Variants in CASQ2 observed in about 807,000 individuals in gnomAD.
CASQ2 encodes the protein calsequestrin 2, also known as calsequestrin-2.
CASQ2 carries 49 observed loss-of-function variants against 46.5 expected under a neutral mutation model. The observed-to-expected ratio is 1.05, with a 90% CI of 0.84 to 1.34. CASQ2 has a LOEUF of 1.34. Ranked by LOEUF, CASQ2 falls within the 40% of genes most tolerant of loss-of-function variation. CASQ2 has a pLI of 0.00. For synonymous variants in CASQ2, 174 were observed against 168.5 expected, an observed-to-expected ratio of 1.03 and a Z score of -0.25; for missense variants, 486 against 481.3, an observed-to-expected ratio of 1.01 and a Z score of -0.09.
chr1:115,760,780 A>G (rs1648910027), intron 1 of CASQ2, among the ~76,000 whole-genome samples: 1 of 152,198 alleles, frequency 6.6e-6, no homozygotes, highest in Non-Finnish European at 1.5e-5. Context: ...AACTACTACA[A>G]TCGACTAAGA....
At chr1:115,726,774 G>A (rs1211217338) in intron 6 of CASQ2, among the ~76,000 whole-genome samples, 3 of 152,100 alleles carry the variant, frequency 2.0e-5, no homozygotes, top group Non-Finnish European at 4.4e-5. Flanking sequence ...GCTGACTGAG[G>A]GATTTATCAA....
intron 8 of CASQ2, among the ~76,000 whole-genome samples, chr1:115,710,812 T>G (rs1001811333): frequency 6.6e-6 from 1 of 152,180 alleles, no homozygotes; most frequent in African/African-American, 2.4e-5. Flanking sequence ...TGAGAGACCA[T>G]GACCCACAGC....
At chr1:115,734,806 C>A (rs1339062827) in intron 4 of CASQ2, among the ~76,000 whole-genome samples, 1 of 152,174 alleles carries the variant, frequency 6.6e-6, no homozygotes, top group African/African-American at 2.4e-5. Context: ...ACGTTAGTAA[C>A]TGGGTGTGGT....
intron 2 of CASQ2, among the ~76,000 whole-genome samples, chr1:115,744,326 C>T (rs1219578410): frequency 6.6e-6 from 1 of 152,168 alleles, no homozygotes; most frequent in Non-Finnish European, 1.5e-5. Flanking sequence ...ATGTCCTCCC[C>T]TCTCATCCTT....
At chr1:115,750,878 T>C (rs1018742996) in intron 1 of CASQ2, among the ~76,000 whole-genome samples, 5 of 34,326 alleles carry the variant, frequency 1.5e-4, no homozygotes, top group African/African-American at 2.3e-4. Context: ...AGCTTTACTC[T>C]TGTTAAAAGA....
At chr1:115,720,423 A>G (rs1029722810) in intron 7 of CASQ2, among the ~76,000 whole-genome samples, 2 of 151,950 alleles carry the variant, frequency 1.3e-5, no homozygotes, top group African/African-American at 4.8e-5. Flanking sequence ...CCATCTCCTC[A>G]CACCATTACC....
At position 115,701,487 on chromosome 1, in the gene CASQ2, A is replaced by G. The variant is rs554253863; in HGVS notation, c.1015-61T>C. 1,248 of 1,084,888 alleles carry G rather than the reference A, an allele frequency of 1.2e-3. 4 individuals carry two copies. Among genetic ancestry groups the G allele is most frequent in the Non-Finnish European group, 1.5e-3 (1,074 of 700,796 alleles). 67.2% of individuals were successfully genotyped at this position (1,084,888 alleles called of 1,614,324 possible). On this transcript the variant is annotated intron_variant, in intron 10 of 10. Coordinates refer to ENST00000261448, the MANE Select transcript of CASQ2 (RefSeq NM_001232.4). ...GCATGAGGGCTGAACCAGACCAGGG[A>G]TAGCCGTGCTGAATAGCTATGCTGA...
At position 115,768,352 on chromosome 1, in the gene CASQ2, T is replaced by C; in HGVS notation, c.190A>G (p.Lys64Glu). The C allele has an allele frequency of 1.2e-6, 2 of 1,614,094 alleles. No homozygotes were observed. The highest frequency in any genetic ancestry group is 1.1e-5 in the South Asian group (1 of 91,086). ...LYYHEPVSSD[K>E]VTQKQFQLKE... The stretch of plus-strand genomic sequence containing the variant: ...AGTTGGAACTGTTTTTGCGTGACCT[T>C]ATCTGAAGACACCGGCTCATGGTAG... The change falls in exon 1 of 11, where the codon AAG (lysine) becomes GAG (glutamate). Residue 64 changes from lysine (K) to glutamate (E), a missense_variant. Coordinates refer to ENST00000261448, the MANE Select transcript of CASQ2 (RefSeq NM_001232.4).
chr1:115,746,932 A>G (rs537067393), intron 1 of CASQ2, among the ~76,000 whole-genome samples: 14 of 152,280 alleles, frequency 9.2e-5, no homozygotes, highest in African/African-American at 3.4e-4. Flanking sequence ...AGAACATTCA[A>G]TATCCTAATC....
At chr1:115,740,085 T>A (rs1648126876) in intron 3 of CASQ2, among the ~76,000 whole-genome samples, 1 of 152,232 alleles carries the variant, frequency 6.6e-6, no homozygotes, top group Non-Finnish European at 1.5e-5. Flanking sequence ...GGCTGGTAGA[T>A]AAAGAATCAT....
At chr1:115,703,080 A>G in intron 9 of CASQ2, 85 bp from the exon 10 acceptor site, 1 of 1,035,574 alleles carries the variant, frequency 9.7e-7, no homozygotes, top group Non-Finnish European at 1.5e-6. Flanking sequence ...CACAGTAACT[A>G]GGTCACCATT....
chr1:115,725,898 A>G (rs1489021535), intron 6 of CASQ2, among the ~76,000 whole-genome samples: 1 of 152,224 alleles, frequency 6.6e-6, no homozygotes, highest in East Asian at 1.9e-4. Flanking sequence ...CAGAGAGCCC[A>G]CAGCAGGCCT....
At position 115,701,360 on chromosome 1, in the gene CASQ2, A is replaced by T. The variant is rs375811174; in HGVS notation, c.1081T>A (p.Trp361Arg). The change falls in exon 11 of 11, where the codon TGG becomes AGG. Residue 361 changes from tryptophan (W) to arginine (R), a missense_variant. By Grantham distance (101) the Trp-to-Arg change is moderately radical. Coordinates refer to ENST00000261448, the MANE Select transcript of CASQ2 (RefSeq NM_001232.4). ...DLPTAEELED[W>R]IEDVLSGKIN... ...TTTCCAGAAAGCACATCCTCAATCC[A>T]GTCCTCCAGCTCCTCAGCAGTTGGA... The T allele has an allele frequency of 1.1e-5, 17 of 1,613,836 alleles. No individual in the cohort carries two copies. The highest frequency in any genetic ancestry group is 1.4e-5 in the Non-Finnish European group (17 of 1,179,756).
At chr1:115,735,650 T>G (rs1481099239) in intron 4 of CASQ2, among the ~76,000 whole-genome samples, 2 of 152,254 alleles carry the variant, frequency 1.3e-5, no homozygotes, top group Non-Finnish European at 2.9e-5. Context: ...AAGGAAAAGC[T>G]TCATTATTAT....
intron 1 of CASQ2, among the ~76,000 whole-genome samples, chr1:115,758,551 A>T (rs1648836758): frequency 6.6e-6 from 1 of 152,114 alleles, no homozygotes; most frequent in South Asian, 2.1e-4. Context: ...TTTGATCCCC[A>T]ATGTTGGAGG....
intron 8 of CASQ2, among the ~76,000 whole-genome samples, chr1:115,710,800 C>T (rs1654520533): frequency 6.6e-6 from 1 of 152,198 alleles, no homozygotes; most frequent in African/African-American, 2.4e-5. Flanking sequence ...GGCTTGGAGT[C>T]CTGAGAGACC....
intron 1 of CASQ2, among the ~76,000 whole-genome samples, chr1:115,755,466 A>G (rs6694376): frequency 0.068 from 10,417 of 152,228 alleles, 1,214 homozygotes; most frequent in African/African-American, 0.24. Context: ...AAAGGGGGTG[A>G]GGTGCTTCCT....
At chr1:115,761,417 GAAGAAGAAGAAGAAGAAGAAGA>G (rs1648933370) in intron 1 of CASQ2, among the ~76,000 whole-genome samples, 2 of 324 alleles carry the variant, frequency 6.2e-3, no homozygotes, top group Non-Finnish European at 9.5e-3. Flanking sequence ...AGAAGAAGAA[GAAGAAGAAGAAGAAGAAGAAGA>G]AAGAAGAAGA....
intron 1 of CASQ2, among the ~76,000 whole-genome samples, chr1:115,763,721 T>C (rs1253870075): frequency 6.6e-6 from 1 of 152,186 alleles, no homozygotes; most frequent in Non-Finnish European, 1.5e-5. Flanking sequence ...GTCTATCTGA[T>C]CTGGAAGCCC....
Sources: allele counts gnomAD v4.1 joint callset (sites outside exome capture counted in the v4.1 genomes callset), GRCh38; gene constraint gnomAD v4.1.1; transcripts MANE v1.5; gene names NCBI Gene and HGNC (gene_info 2026-07-23, HGNC 2026-07-21).